The following SPPL3 variants were observed in gnomAD, a reference collection of about 807,000 sequenced individuals.
SPPL3 encodes the protein signal peptide peptidase like 3.
In SPPL3, 5 loss-of-function variants were observed where a neutral mutation model predicts 42.4. The ratio of observed to expected loss-of-function variants is 0.12; its 90% CI spans 0.06 to 0.25. The LOEUF is 0.25. SPPL3 is among the 10% of genes least tolerant of loss of function. The pLI is 1.00. For synonymous variants in SPPL3, 195 were observed against 181.8 expected, an observed-to-expected ratio of 1.07 and a Z score of -0.58; for missense variants, 235 against 489.0, an observed-to-expected ratio of 0.48 and a Z score of 4.90.
intron 1 of SPPL3, among the ~76,000 whole-genome samples, chr12:120,899,494 T>C (rs188062683): frequency 1.1e-3 from 163 of 152,276 alleles, no homozygotes; most frequent in South Asian, 2.9e-3. Context: ...GAACCAAGGT[T>C]AGTGTCATAT....
intron 1 of SPPL3, among the ~76,000 whole-genome samples, chr12:120,823,058 C>G (rs576564848): frequency 1.3e-5 from 2 of 151,850 alleles, no homozygotes; most frequent in South Asian, 4.2e-4. Flanking sequence ...TGTGACAGTG[C>G]GACCTGCTGG....
chr12:120,832,296 G>GT (rs1871450518), intron 1 of SPPL3, among the ~76,000 whole-genome samples: 1 of 152,080 alleles, frequency 6.6e-6, no homozygotes, highest in Non-Finnish European at 1.5e-5. Context: ...TGTGAGATTG[G>GT]TTTTGCCTTA....
intron 1 of SPPL3, among the ~76,000 whole-genome samples, chr12:120,890,088 A>C (rs1873587974): frequency 6.6e-6 from 1 of 152,016 alleles, no homozygotes; most frequent in Non-Finnish European, 1.5e-5. Context: ...TCTACTGAAA[A>C]TACAAAAAAA....
chr12:120,835,712 G>A (rs1485492462), intron 1 of SPPL3: 1 of 152,126 alleles, frequency 6.6e-6, no homozygotes, highest in Non-Finnish European at 1.5e-5. Context: ...GTCTCTCCAA[G>A]TCGGTATTAC....
At chr12:120,802,375 ATATGTATATATATACACATATATGTGTG>A (rs1280597954) in intron 2 of SPPL3, among the ~76,000 whole-genome samples, 4 of 144,218 alleles carry the variant, frequency 2.8e-5, no homozygotes, top group African/African-American at 1.1e-4. Flanking sequence ...ATATACATAT[ATATGTATATATATACACATATATGTGTG>A]TGTGTGTGTG....
intron 1 of SPPL3, among the ~76,000 whole-genome samples, chr12:120,890,319 G>A (rs1342188902): frequency 6.6e-6 from 1 of 151,996 alleles, no homozygotes. Flanking sequence ...GCAGGGCACG[G>A]TGGCTCACAC....
intron 9 of SPPL3, among the ~76,000 whole-genome samples, chr12:120,766,983 C>G (rs1326060338): frequency 6.6e-6 from 1 of 152,224 alleles, no homozygotes; most frequent in Non-Finnish European, 1.5e-5. Flanking sequence ...TCCTGTCTGC[C>G]TACACATGAG....
chr12:120,868,480 T>C (rs931350537), intron 1 of SPPL3, among the ~76,000 whole-genome samples: 1 of 151,822 alleles, frequency 6.6e-6, no homozygotes, highest in Admixed American at 6.6e-5. Context: ...TTTTTTGTTT[T>C]TGTTTTATTT....
intron 2 of SPPL3, among the ~76,000 whole-genome samples, chr12:120,797,006 C>T (rs1370477498): frequency 1.3e-5 from 2 of 152,048 alleles, no homozygotes; most frequent in Non-Finnish European, 2.9e-5. Context: ...CCTGTCTCTA[C>T]CAAAAATACA....
chr12:120,856,292 A>C (rs1408090354), intron 1 of SPPL3, among the ~76,000 whole-genome samples: 1 of 151,882 alleles, frequency 6.6e-6, no homozygotes, highest in African/African-American at 2.4e-5. Flanking sequence ...AAGAAAAAAA[A>C]AAAAGAAACA....
At chr12:120,896,139 C>G (rs1873795393) in intron 1 of SPPL3, among the ~76,000 whole-genome samples, 1 of 152,008 alleles carries the variant, frequency 6.6e-6, no homozygotes, top group Non-Finnish European at 1.5e-5. Flanking sequence ...CCCTACAAAC[C>G]AAGAAATGGG....
In SPPL3 at chr12:120,789,627, C is replaced by A. The variant is rs543680653; in HGVS notation, c.190+1842G>T. Among the ~76,000 whole-genome samples the A allele has an allele frequency of 2.6e-5, 4 of 151,206 alleles. No homozygotes were observed. In the East Asian group the frequency reaches 5.8e-4, roughly 22 times the overall value. On this transcript the variant is annotated intron_variant, in intron 3 of 10. Transcript: ENST00000353487. Reference sequence around the variant, plus strand: ...ATCACTTGAGATCAGGAGTTTGAGACCAGCCTGGCCAACACTGTGAAACCC... The same window carrying A: ...ATCACTTGAGATCAGGAGTTTGAGAACAGCCTGGCCAACACTGTGAAACCC...
intron 1 of SPPL3, among the ~76,000 whole-genome samples, chr12:120,842,109 T>C (rs7965332): frequency 0.19 from 29,563 of 152,070 alleles, 4,543 homozygotes; most frequent in African/African-American, 0.41. Context: ...TGTACAGTAT[T>C]CCAGATAGAA....
At chr12:120,843,072 A>C (rs1269258847) in intron 1 of SPPL3, among the ~76,000 whole-genome samples, 2 of 152,176 alleles carry the variant, frequency 1.3e-5, no homozygotes, top group Non-Finnish European at 2.9e-5. Context: ...CCAGGAATGC[A>C]GATACAAGAG....
At position 120,797,559 on chromosome 12, in the gene SPPL3, C is replaced by T. The variant is rs117210745; in HGVS notation, c.102-6002G>A. ...GGATGGTAATTCAGTCTCTGTTTCT[C>T]TATCTTGGCTGGAAGTACAAGTGGC... On this transcript the variant is annotated intron_variant, in intron 2 of 10. Coordinates refer to ENST00000353487, the MANE Select transcript of SPPL3 (RefSeq NM_139015.5). Among the ~76,000 whole-genome samples the T allele has an allele frequency of 1.1e-3, 160 of 152,198 alleles. 1 individual carries two copies. The East Asian group carries it at 0.028, about 27-fold the overall frequency.
chr12:120,850,274 T>C (rs1175897935), intron 1 of SPPL3, among the ~76,000 whole-genome samples: 1 of 152,148 alleles, frequency 6.6e-6, no homozygotes, highest in African/African-American at 2.4e-5. Context: ...GTCCTCTCTG[T>C]TGCCCCTTTC....
rs141313207 is a variant in SPPL3 at position 120,864,849 on chromosome 12, T to A, written c.23+38996A>T. On this transcript the variant is annotated intron_variant, in intron 1 of 10. Coordinates refer to ENST00000353487, the MANE Select transcript of SPPL3 (RefSeq NM_139015.5). ...AAGATGTGCAATCTAGTGTCAAGAGTTAACCAAAGGAGTATTTTTTTACGC... is the reference window on the plus strand; with the variant it reads ...AAGATGTGCAATCTAGTGTCAAGAGATAACCAAAGGAGTATTTTTTTACGC... 1.4e-4 allele frequency among the ~76,000 whole-genome samples: 22 copies of A among 152,148 alleles called. 1 individual carries two copies. Among genetic ancestry groups the A allele is most frequent in the Admixed American group, 4.6e-4 (7 of 15,282 alleles).
intron 1 of SPPL3, among the ~76,000 whole-genome samples, chr12:120,847,067 C>T (rs1872063109): frequency 6.6e-6 from 1 of 152,146 alleles, no homozygotes; most frequent in Admixed American, 6.5e-5. Flanking sequence ...GACTTATAAA[C>T]CCAGATAAAT....
At chr12:120,826,671 CCCT>C (rs1277093793) in intron 1 of SPPL3, among the ~76,000 whole-genome samples, 1 of 152,088 alleles carries the variant, frequency 6.6e-6, no homozygotes, top group Non-Finnish European at 1.5e-5. Flanking sequence ...ATATTTAATA[CCCT>C]CGTTTTTCAG....
Sources: gnomAD v4.1 joint callset for allele counts (sites outside exome capture counted in the v4.1 genomes callset) on GRCh38, gnomAD v4.1.1 for gene constraint, MANE v1.5 for transcripts, NCBI Gene and HGNC (gene_info 2026-07-23, HGNC 2026-07-21) for gene names.